The following TFAP2C variants were observed in gnomAD, a reference collection of about 807,000 sequenced individuals.
TFAP2C encodes activating enhancer-binding protein 2 gamma.
Under a neutral mutation model 42.9 loss-of-function variants are expected in TFAP2C, and 9 were observed. The ratio of observed to expected loss-of-function variants is 0.21; its 90% confidence interval spans 0.13 to 0.37. The LOEUF is 0.37. Among genes scored for constraint, TFAP2C ranks in the 10% least tolerant of loss-of-function variants. The pLI is 1.00. For synonymous variants in TFAP2C, 264 were observed against 256.0 expected, an observed-to-expected ratio of 1.03 and a Z score of -0.30; for missense variants, 462 against 591.7, an observed-to-expected ratio of 0.78 and a Z score of 2.27.
Position 56,630,748 on chromosome 20 carries a change from T to C in TFAP2C, c.49-457T>C. On this transcript the variant is annotated intron_variant, in intron 1 of 6. Coordinates refer to ENST00000201031, the MANE Select transcript of TFAP2C (RefSeq NM_003222.4). This position sits in a 1 kb window ranked among gnomAD's most constrained non-coding sequence, Gnocchi z 5.1. ...TGCGCATTTCCCGCGCCGCGCACTC[T>C]ATCCGCGCCTGCCGCGCTGCCACCT... 1.0e-6 allele frequency: 1 copy of C among 985,252 alleles called. No individual in the cohort carries two copies. The highest frequency in any genetic ancestry group is 1.2e-6 in the Non-Finnish European group (1 of 829,850). 61.0% of individuals were successfully genotyped at this position (985,252 alleles called of 1,614,324 possible).
At chr20:56,637,613 G>T in intron 6 of TFAP2C, 115 bp from the exon 7 acceptor site, 1 of 879,860 alleles carries the variant, frequency 1.1e-6, no homozygotes, top group Non-Finnish European at 1.7e-6. Flanking sequence ...CTCCTTCCTC[G>T]GGTTGAAGCA....
chr20:56,638,642 T>C lies in TFAP2C; in HGVS notation c.*629T>C, dbSNP rs1987631760. ...GGAAACTTGTAGAAACGAAGCCTGC[T>C]GATTGATTTTTTTCTCCTTTTTTTT... On this transcript the variant is annotated 3_prime_UTR_variant, in exon 7 of 7. Coordinates refer to ENST00000201031, the MANE Select transcript of TFAP2C (RefSeq NM_003222.4). 1 of 151,378 alleles carries C rather than the reference T, an allele frequency of 6.6e-6. No homozygotes were observed. The highest frequency in any genetic ancestry group is 6.6e-5 in the Admixed American group (1 of 15,126). 9.4% of individuals were successfully genotyped at this position (151,378 alleles called of 1,614,324 possible).
intron 6 of TFAP2C, 93 bp from the exon 7 acceptor site, chr20:56,637,635 C>T: frequency 1.6e-6 from 2 of 1,280,504 alleles, no homozygotes; most frequent in Non-Finnish European, 2.2e-6. Flanking sequence ...TTGTGCTTGC[C>T]TCCCGGGCGC....
intron 3 of TFAP2C, among the ~76,000 whole-genome samples, chr20:56,632,154 C>CTG (rs1290676126): frequency 6.6e-6 from 1 of 152,154 alleles, no homozygotes; most frequent in Non-Finnish European, 1.5e-5. Context: ...CGAGTGAACA[C>CTG]TGATTTAACT....
At chr20:56,632,006 G>A in intron 3 of TFAP2C, 150 bp downstream of exon 3, 1 of 887,000 alleles carries the variant, frequency 1.1e-6, no homozygotes, top group Non-Finnish European at 1.8e-6. Flanking sequence ...TTTTAGGAGT[G>A]ACAGAAAGGG....
chr20:56,636,186 C>T (rs1363272824), intron 5 of TFAP2C, among the ~76,000 whole-genome samples: 2 of 152,168 alleles, frequency 1.3e-5, no homozygotes, highest in Admixed American at 1.3e-4. Context: ...AGTTGTCTGC[C>T]CTGTATATGA....
chr20:56,630,163 G>C lies in TFAP2C; in HGVS notation c.48+571G>C, dbSNP rs985279765. 3.7e-6 allele frequency: 1 copy of C among 269,492 alleles called. No homozygotes were observed. The highest frequency in any genetic ancestry group is 2.3e-5 in the African/African-American group (1 of 43,312). The allele number at this position is 269,492 out of a possible 1,614,324, so 16.7% of individuals were successfully genotyped here. ...CCAGCCTGTCGGACAGGTTGAGCTA[G>C]AGTTTCGGAGAGTGGGAGGGAAGAA... On this transcript the variant is annotated intron_variant, in intron 1 of 6. Transcript: ENST00000201031. This position sits in a 1 kb window ranked among gnomAD's most constrained non-coding sequence, Gnocchi z 5.1.
chr20:56,638,965 A>C lies in TFAP2C; in HGVS notation c.*952A>C, dbSNP rs1987638151. 2.0e-5 allele frequency: 3 copies of C among 152,594 alleles called. No homozygotes were observed. Among genetic ancestry groups the C allele is most frequent in the Admixed American group, 2.0e-4 (3 of 15,282 alleles). The allele number at this position is 152,594 out of a possible 1,614,324, so 9.5% of individuals were successfully genotyped here. On this transcript the variant is annotated 3_prime_UTR_variant, in exon 7 of 7. Transcript: ENST00000201031. ...TTTTTGAGACATGGGATCCAATTTT[A>C]ATATTAACTTTTAATGGTGATGGGG...
rs1471699046 is a variant in TFAP2C, at chr20:56,631,527, T to C, written c.371T>C (p.Leu124Pro). ...LPSHHGRPAG[L>P]LPHLSGLEAG... ...TCGCACCACGGGCGCCCGGCCGGCC[T>C]ACTGCCCCACCTCTCCGGGCTGGAG... The change falls in exon 2 of 7, where the codon CTA (leucine) becomes CCA (proline). Residue 124 changes from leucine (L) to proline (P), a missense_variant. Leu to Pro is a moderately conservative substitution (Grantham distance 98, BLOSUM62 -3). Transcript: ENST00000201031. The surrounding 1 kb of genome is among the most constrained non-coding windows in gnomAD (Gnocchi z 6.1). The C allele has an allele frequency of 2.0e-6, 3 of 1,519,554 alleles. No individual in the cohort carries two copies. Among genetic ancestry groups the C allele is most frequent in the South Asian group, 1.2e-5 (1 of 81,228 alleles). The allele number at this position is 1,519,554 out of a possible 1,614,324, so 94.1% of individuals were successfully genotyped here. A position where few individuals can be genotyped will look rare whatever the true frequency, so the allele number is the denominator to read the frequency against.
chr20:56,633,190 C>CT (rs1302156201), intron 3 of TFAP2C, among the ~76,000 whole-genome samples, 163 bp from the exon 4 acceptor site: 1 of 151,950 alleles, frequency 6.6e-6, no homozygotes, highest in African/African-American at 2.4e-5. Context: ...GAGTGAGACT[C>CT]TTATTATTTT....
intron 5 of TFAP2C, 26 bp from the exon 6 acceptor site, chr20:56,636,584 C>T (rs1174748129): frequency 1.9e-6 from 3 of 1,597,946 alleles, no homozygotes; most frequent in South Asian, 1.1e-5. Context: ...CACAGCCATC[C>T]TAAAAGCTGT....
intron 5 of TFAP2C, among the ~76,000 whole-genome samples, chr20:56,635,609 T>C (rs1987569671): frequency 6.6e-6 from 1 of 152,084 alleles, no homozygotes; most frequent in Admixed American, 6.5e-5. Flanking sequence ...AAGTGACTAG[T>C]TTGCTTTTGT....
At position 56,639,128 on chromosome 20, in the gene TFAP2C, G is replaced by A. The variant is rs558923104; in HGVS notation, c.*1115G>A. On this transcript the variant is annotated 3_prime_UTR_variant, in exon 7 of 7. Transcript: ENST00000201031. ...GTTCAGAAAGCAATAACTTTGTCTC[G>A]TTCCTGTTGGGCTGAACCCTAAGGT... 13 of 152,540 alleles carry A rather than the reference G, an allele frequency of 8.5e-5. No individual in the cohort carries two copies. The highest frequency in any genetic ancestry group is 2.4e-4 in the African/African-American group (10 of 41,406). 9.4% of individuals were successfully genotyped at this position (152,540 alleles called of 1,614,324 possible).
Position 56,630,674 on chromosome 20 carries a change from G to A in TFAP2C, c.49-531G>A, listed in dbSNP as rs2146445701. On this transcript the variant is annotated intron_variant, in intron 1 of 6. Coordinates refer to ENST00000201031, the MANE Select transcript of TFAP2C (RefSeq NM_003222.4). The surrounding 1 kb of genome is among the most constrained non-coding windows in gnomAD (Gnocchi z 5.1). ...GCTTTCCGAGCGCCGCCCGCTCGGA[G>A]GTCTTTGTCCCGAGGGCGTGGAAGG... 1 of 984,964 alleles carries A rather than the reference G, an allele frequency of 1.0e-6. No individual in the cohort carries two copies. The highest frequency in any genetic ancestry group is 1.2e-6 in the Non-Finnish European group (1 of 829,542). The allele number at this position is 984,964 out of a possible 1,614,324, so 61.0% of individuals were successfully genotyped here.
At chr20:56,634,602 T>C (rs1987550724) in intron 5 of TFAP2C, among the ~76,000 whole-genome samples, 1 of 152,192 alleles carries the variant, frequency 6.6e-6, no homozygotes, top group Admixed American at 6.5e-5. Context: ...AGATAACAGC[T>C]GATCATTTGG....
At chr20:56,634,126 A>AGAGT in intron 4 of TFAP2C, 24 bp from the exon 5 acceptor site, 1 of 1,545,878 alleles carries the variant, frequency 6.5e-7, no homozygotes, top group Non-Finnish European at 8.9e-7. Context: ...GAGAGTAGCC[A>AGAGT]GAGTCAATTT....
At chr20:56,636,216 G>A (rs541325513) in intron 5 of TFAP2C, among the ~76,000 whole-genome samples, 6 of 152,148 alleles carry the variant, frequency 3.9e-5, no homozygotes, top group Admixed American at 6.5e-5. Context: ...TGCATGCAAC[G>A]TATGACTGGT....
rs1344559763 is a variant in TFAP2C, at chr20:56,639,069, T to C, written c.*1056T>C. The C allele has an allele frequency of 6.6e-6, 1 of 152,646 alleles. No homozygotes were observed. The highest frequency in any genetic ancestry group is 1.5e-5 in the Non-Finnish European group (1 of 68,062). The allele number at this position is 152,646 out of a possible 1,614,324, so 9.5% of individuals were successfully genotyped here. A position where few individuals can be genotyped will look rare whatever the true frequency, so the allele number is the denominator to read the frequency against. On this transcript the variant is annotated 3_prime_UTR_variant, in exon 7 of 7. Coordinates refer to ENST00000201031, the MANE Select transcript of TFAP2C (RefSeq NM_003222.4). ...TTAAGAGGATGCTGGGCTCTGTTCT[T>C]GGCTTGGAAGATTCTATTTAATTGA...
At chr20:56,632,007 A>T in intron 3 of TFAP2C, 151 bp downstream of exon 3, 1 of 888,376 alleles carries the variant, frequency 1.1e-6, no homozygotes, top group South Asian at 1.5e-5. Context: ...TTTAGGAGTG[A>T]CAGAAAGGGA....
Sources: allele counts gnomAD v4.1 joint callset (sites outside exome capture counted in the v4.1 genomes callset), GRCh38; gene constraint gnomAD v4.1.1; non-coding constraint Gnocchi (gnomAD v3.1); transcripts MANE v1.5; gene names NCBI Gene and HGNC (gene_info 2026-07-23, HGNC 2026-07-21).